The following SYMPK variants were observed in gnomAD, a reference collection of about 807,000 sequenced individuals.
SYMPK encodes the protein symplekin.
In SYMPK, 49 loss-of-function variants were observed where a neutral mutation model predicts 136.4. The ratio of observed to expected loss-of-function variants is 0.36; its 90% confidence interval spans 0.29 to 0.46. The LOEUF is 0.46. Among genes scored for constraint, SYMPK ranks in the 20% least tolerant of loss-of-function variants. The pLI is 1.00. For missense variants in SYMPK, 1,365 were observed against 1,690.0 expected (o/e 0.81, Z 3.37); for synonymous variants, 766 against 713.0 (o/e 1.07, Z -1.19).
Position 45,854,523 on chromosome 19 carries a change from G to T in SYMPK, c.-12-16C>A. 6.2e-7 allele frequency: 1 copy of T among 1,602,734 alleles called. No individual in the cohort carries two copies. On this transcript the variant is annotated splice_polypyrimidine_tract_variant and intron_variant, in intron 1 of 26. Transcript: ENST00000245934. ...CTGCTGTCAGCTTGTCCCCAGGAAA[G>T]AAGAGGATGGATCAAGCTCAGGGAA...
In SYMPK at chr19:45,816,016, G is replaced by C. The variant is rs915034147; in HGVS notation, c.3522C>G (p.Pro1174=). 6.3e-7 allele frequency: 1 copy of C among 1,594,574 alleles called. No individual in the cohort carries two copies. Among genetic ancestry groups the C allele is most frequent in the African/African-American group, 1.3e-5 (1 of 74,722 alleles). ...VGAPSSSSPS[P]SPSARPGPPP... is the part of the protein sequence containing the mutation. ...GCGGGCCTGGCCGGGCCGACGGAGA[G>C]GGAGAGGGGGAGGAAGAGGAGGGGG... Residue 1174 remains proline, a synonymous_variant, in exon 26 of 27, where the codon CCC becomes CCG. Transcript: ENST00000245934.
Position 45,844,198 on chromosome 19 carries a change from C to A in SYMPK, c.679G>T (p.Val227Leu), listed in dbSNP as rs759001948. 6.3e-7 allele frequency: 1 copy of A among 1,584,612 alleles called. No homozygotes were observed. Among genetic ancestry groups the A allele is most frequent in the Admixed American group, 1.8e-5 (1 of 56,214 alleles). Reference sequence around the variant, plus strand: ...GCTGCCTTGCCCTCTTCCCATAGCACGTCTAAGAGACAGAGAGGAGAACCA... The same window carrying A: ...GCTGCCTTGCCCTCTTCCCATAGCAAGTCTAAGAGACAGAGAGGAGAACCA... Reference protein sequence around the residue: ...PRDHPYIQYNVLWEEGKAALE... With the variant: ...PRDHPYIQYNLLWEEGKAALE... Residue 227 changes from valine to leucine, a missense_variant and splice_region_variant, in exon 8 of 27, where the codon GTG becomes TTG. Val to Leu is a conservative substitution (Grantham distance 32). Transcript: ENST00000245934.
At chr19:45,839,495 C>A (rs1971385012) in intron 9 of SYMPK, among the ~76,000 whole-genome samples, 1 of 152,134 alleles carries the variant, frequency 6.6e-6, no homozygotes, top group Non-Finnish European at 1.5e-5. Flanking sequence ...GAAGGAAAAT[C>A]TCTTTGGAGC....
intron 7 of SYMPK, 31 bp from the exon 8 acceptor site, chr19:45,844,231 G>T: frequency 6.6e-7 from 1 of 1,519,686 alleles, no homozygotes; most frequent in Non-Finnish European, 8.9e-7. Flanking sequence ...CCAGTCAGTG[G>T]GATCCGTTTT....
intron 13 of SYMPK, 123 bp from the exon 14 acceptor site, chr19:45,829,328 G>T: frequency 1.1e-6 from 1 of 869,646 alleles, no homozygotes; most frequent in Non-Finnish European, 1.8e-6. Flanking sequence ...AGTGAAGCGA[G>T]GAAGGCCAGC....
chr19:45,854,194 T>C lies in SYMPK; in HGVS notation c.152A>G (p.Lys51Arg). ...NQAALITNDS[K>R]ITVLKQVQEL... is the part of the protein sequence containing the mutation. ...CCTCACCTGTTTGAGCACTGTGATCTTTGAGTCATTGGTGATCAGCGCCGC... is the reference window on the plus strand; with the variant it reads ...CCTCACCTGTTTGAGCACTGTGATCCTTGAGTCATTGGTGATCAGCGCCGC... Residue 51 changes from lysine to arginine, a missense_variant, in exon 3 of 27, where the codon AAG becomes AGG. This residue lies in a region of SYMPK where 61 missense variants were observed against 80.7 expected (regional missense o/e 0.76). Transcript: ENST00000245934. The C allele has an allele frequency of 6.2e-7, 1 of 1,614,176 alleles. No homozygotes were observed. The highest frequency in any genetic ancestry group is 8.5e-7 in the Non-Finnish European group (1 of 1,180,022).
rs768902328 is a variant in SYMPK, at chr19:45,816,923, T to A, written c.3133A>T (p.Thr1045Ser). The change falls in exon 24 of 27, where the codon ACA becomes TCA. Residue 1045 changes from threonine to serine, a missense_variant. Thr to Ser is a moderately conservative substitution (Grantham distance 58). Transcript: ENST00000245934. Reference sequence around the variant, plus strand: ...ATGACCTGGAAGCTCTGGGGCTTTGTGCGCTGGCAGCACTTGATGAAGCCC... The same window carrying A: ...ATGACCTGGAAGCTCTGGGGCTTTGAGCGCTGGCAGCACTTGATGAAGCCC... The part of the protein sequence containing the change: ...WEGFIKCCQR[T>S]KPQSFQVILQ... The A allele has an allele frequency of 1.5e-5, 23 of 1,558,584 alleles. No homozygotes were observed. Among genetic ancestry groups the A allele is most frequent in the Admixed American group, 1.9e-5 (1 of 51,636 alleles).
rs763372331 is a variant in SYMPK at position 45,852,503 on chromosome 19, T to A, written c.204A>T (p.Thr68=). Residue 68 remains threonine, a synonymous_variant, in exon 4 of 27, where the codon ACA becomes ACT. Coordinates refer to ENST00000245934, the MANE Select transcript of SYMPK (RefSeq NM_004819.3). The part of the protein sequence containing the change: ...VQELIINKDP[T]LLDNFLDEII... ...TCACATCCAGGAAGTTGTCCAGTAG[T>A]GTGGGGTCTTTGTTGATGATCAGCT... 8 of 1,614,048 alleles carry A rather than the reference T, an allele frequency of 5.0e-6. No homozygotes were observed. Among genetic ancestry groups the A allele is most frequent in the South Asian group, 1.1e-5 (1 of 91,078 alleles).
At chr19:45,860,673 T>C (rs1452548766) in intron 1 of SYMPK, among the ~76,000 whole-genome samples, 1 of 152,152 alleles carries the variant, frequency 6.6e-6, no homozygotes, top group Non-Finnish European at 1.5e-5. Context: ...AGACAGGGTG[T>C]CACTCTGTTG....
Position 45,816,787 on chromosome 19 carries a change from G to T in SYMPK, c.3258+11C>A, listed in dbSNP as rs1347175788. The T allele has an allele frequency of 6.6e-7, 1 of 1,521,620 alleles. No individual in the cohort carries two copies. Among genetic ancestry groups the T allele is most frequent in the African/African-American group, 1.4e-5 (1 of 71,780 alleles). The allele number at this position is 1,521,620 out of a possible 1,614,324, so 94.3% of individuals were successfully genotyped here. Reference sequence around the variant, plus strand: ...TGGGGGGAAAGGGTACCTGGTGGGGGGAAGGGGTACCTGGTGGGGGGTGAA... The same window carrying T: ...TGGGGGGAAAGGGTACCTGGTGGGGTGAAGGGGTACCTGGTGGGGGGTGAA... On this transcript the variant is annotated intron_variant, in intron 24 of 26. Transcript: ENST00000245934.
chr19:45,830,496 A>C (rs1238036396), intron 12 of SYMPK: 2 of 371,638 alleles, frequency 5.4e-6, no homozygotes, highest in Non-Finnish European at 1.0e-5. Context: ...CTCTCCAGGC[A>C]AAGGCCCTTA....
rs1972016706 is a variant in SYMPK, at chr19:45,863,145, G to A, written c.-100C>T. 1 of 406,146 alleles carries A rather than the reference G, an allele frequency of 2.5e-6. No homozygotes were observed. The allele number at this position is 406,146 out of a possible 1,614,324, so 25.2% of individuals were successfully genotyped here. On this transcript the variant is annotated 5_prime_UTR_variant, in exon 1 of 27. It adds an upstream start codon to the 5' untranslated region. Coordinates refer to ENST00000245934, the MANE Select transcript of SYMPK (RefSeq NM_004819.3). ...CCGCCGCCGCCGCCATCTTCCGTTC[G>A]TCGCCGGGAACGGTGCGCACGCGCC...
intron 17 of SYMPK, among the ~76,000 whole-genome samples, chr19:45,825,699 C>A (rs1971026990): frequency 6.6e-6 from 1 of 152,206 alleles, no homozygotes; most frequent in Admixed American, 6.5e-5. Context: ...GCTCTGCTGC[C>A]CTCCATGTTG....
chr19:45,850,522 C>T (rs1485016484), intron 5 of SYMPK, among the ~76,000 whole-genome samples: 2 of 152,196 alleles, frequency 1.3e-5, no homozygotes. Context: ...GAACAAGTCA[C>T]TTGACCATTC....
chr19:45,816,136 G>A lies in SYMPK; in HGVS notation c.3402C>T (p.Pro1134=), dbSNP rs1489650003. ...GTCGCAGGCCGATGAGGTCCTGAGG[G>A]GGCCGGGGTGCTGGGGCCGGGGCCA... ...LTLAPAPAPR[P]PQDLIGLRLA... Residue 1134 remains proline, a synonymous_variant, in exon 26 of 27, where the codon CCC becomes CCT. Transcript: ENST00000245934. 6 of 1,548,978 alleles carry A rather than the reference G, an allele frequency of 3.9e-6. No homozygotes were observed. In the East Asian group the frequency reaches 1.4e-4, roughly 37 times the overall value.
At chr19:45,817,095 A>G in intron 23 of SYMPK, 121 bp from the exon 24 acceptor site, 1 of 1,069,780 alleles carries the variant, frequency 9.3e-7, no homozygotes, top group Admixed American at 3.1e-5. Flanking sequence ...ATTCCTCTGG[A>G]TGGGCAACAA....
intron 11 of SYMPK, 122 bp downstream of exon 11, chr19:45,834,956 A>G (rs1971269667): frequency 1.1e-6 from 1 of 920,080 alleles, no homozygotes; most frequent in South Asian, 2.3e-5. Context: ...ACCTGTCATT[A>G]TCTACACCTT....
At chr19:45,853,208 C>T (rs375629638) in intron 3 of SYMPK, among the ~76,000 whole-genome samples, 48 of 152,198 alleles carry the variant, frequency 3.2e-4, no homozygotes, top group African/African-American at 1.0e-3. Flanking sequence ...AGGAGCCGAA[C>T]GGGTTCTCAC....
In SYMPK at chr19:45,823,748, T is replaced by TG. The variant is rs780918531; in HGVS notation, c.2599+18dup. The TG allele has an allele frequency of 1.2e-6, 2 of 1,605,196 alleles. No individual in the cohort carries two copies. The highest frequency in any genetic ancestry group is 2.2e-5 in the South Asian group (2 of 90,636). ...GGAGAGGGAGGAAAGCCATGAAAGG[T>TG]GGGGGTCTCCAGGGTCACCTTTGTC... On this transcript the variant is annotated intron_variant, in intron 19 of 26. Transcript: ENST00000245934.
Sources: gnomAD v4.1 joint callset for allele counts (sites outside exome capture counted in the v4.1 genomes callset) on GRCh38, gnomAD v4.1.1 for gene constraint, gnomAD v4.1.1 regional missense constraint, MANE v1.5 for transcripts, NCBI Gene and HGNC (gene_info 2026-07-23, HGNC 2026-07-21) for gene names.